HACD2: variants seen among roughly 807,000 people sequenced by gnomAD.
HACD2 encodes 3-hydroxyacyl-CoA dehydratase 2, also known as very-long-chain (3R)-3-hydroxyacyl-CoA dehydratase 2.
Under a neutral mutation model 31.0 loss-of-function variants are expected in HACD2, and 15 were observed. The observed-to-expected ratio is 0.48, with a 90% confidence interval of 0.32 to 0.75. The LOEUF is 0.75. Ranked by LOEUF, HACD2 falls within the 30% of genes least tolerant of loss-of-function variation. The probability of loss-of-function intolerance (pLI) is 0.03; values close to 1 mark genes in which losing one functional copy is unlikely to be tolerated. For synonymous variants in HACD2, 115 were observed against 122.2 expected (o/e 0.94, Z 0.39); for missense variants, 283 against 313.0 (o/e 0.90, Z 0.72).
intron 4 of HACD2, among the ~76,000 whole-genome samples, chr3:123,503,071 C>G (rs956580245): frequency 6.6e-6 from 1 of 152,068 alleles, no homozygotes; most frequent in Admixed American, 6.5e-5. Flanking sequence ...TGAGACCAGC[C>G]TGGCCAACAT....
At chr3:123,499,416 G>C (rs2055876010) in intron 6 of HACD2, 1 of 299,482 alleles carries the variant, frequency 3.3e-6, no homozygotes, top group Non-Finnish European at 6.8e-6. Context: ...TCCAGCACTA[G>C]AGAGGACTCA....
At chr3:123,584,822 G>T in intron 1 of HACD2, 51 bp downstream of exon 1, 4 of 1,386,796 alleles carry the variant, frequency 2.9e-6, no homozygotes, top group Non-Finnish European at 2.9e-6. Context: ...TGGCCGCAGG[G>T]CTCCCTCCCC....
intron 4 of HACD2, among the ~76,000 whole-genome samples, chr3:123,503,708 CA>C (rs398038348): frequency 0.03 from 2,959 of 97,410 alleles, 31 homozygotes; most frequent in Middle Eastern, 0.079. Flanking sequence ...TTCCATGCAT[CA>C]AAAAAAAAAA....
rs866491761 is a variant in HACD2 at position 123,546,514 on chromosome 3, C to G, written c.293-18040G>C. ...AAACATAAACCAAGTTTCTGGAAAG[C>G]CTTGCACTTTCTGCCTGGAATGTAA... is the stretch of plus-strand genomic sequence containing the variant. On this transcript the variant is annotated intron_variant, in intron 3 of 6. Coordinates refer to ENST00000383657, the MANE Select transcript of HACD2 (RefSeq NM_198402.5). 5.1e-4 allele frequency among the ~76,000 whole-genome samples: 78 copies of G among 152,316 alleles called. 1 individual carries two copies. Among genetic ancestry groups the G allele is most frequent in the African/African-American group, 1.9e-3 (78 of 41,568 alleles).
chr3:123,504,783 C>T (rs573190880), intron 4 of HACD2, among the ~76,000 whole-genome samples: 3 of 152,104 alleles, frequency 2.0e-5, no homozygotes, highest in Non-Finnish European at 4.4e-5. Context: ...TCATTTCTTC[C>T]AATCAATAGG....
At chr3:123,566,648 G>A (rs1271324153) in intron 3 of HACD2, among the ~76,000 whole-genome samples, 1 of 151,600 alleles carries the variant, frequency 6.6e-6, no homozygotes, top group Non-Finnish European at 1.5e-5. Context: ...TGTAATCCCA[G>A]CACTTTGGGA....
At chr3:123,549,109 CCTTA>C (rs1441908324) in intron 3 of HACD2, among the ~76,000 whole-genome samples, 6 of 151,536 alleles carry the variant, frequency 4.0e-5, no homozygotes, top group East Asian at 1.9e-4. Flanking sequence ...TGAAATTCTA[CCTTA>C]CTTACTTTAT....
chr3:123,512,171 T>C (rs1444259173), intron 4 of HACD2, among the ~76,000 whole-genome samples: 2 of 152,204 alleles, frequency 1.3e-5, no homozygotes, highest in Admixed American at 1.3e-4. Context: ...TATTTCTGGA[T>C]TTAACTTATT....
intron 4 of HACD2, among the ~76,000 whole-genome samples, chr3:123,516,971 T>C (rs1310739713): frequency 6.6e-6 from 1 of 152,200 alleles, no homozygotes; most frequent in African/African-American, 2.4e-5. Context: ...CTGAGGCAAG[T>C]TACTTATCCT....
chr3:123,504,530 TAA>T (rs370207577), intron 4 of HACD2, among the ~76,000 whole-genome samples: 4 of 141,246 alleles, frequency 2.8e-5, no homozygotes, highest in Admixed American at 7.1e-5. Context: ...TTCAAATAGG[TAA>T]AAAAAAAAAA....
intron 4 of HACD2, among the ~76,000 whole-genome samples, chr3:123,504,497 G>A (rs2055948196): frequency 1.3e-5 from 2 of 151,638 alleles, no homozygotes; most frequent in South Asian, 2.1e-4. Flanking sequence ...GTGCCTGATA[G>A]TTTCCGTGTA....
At chr3:123,567,206 A>G (rs2056801315) in intron 3 of HACD2, among the ~76,000 whole-genome samples, 1 of 152,320 alleles carries the variant, frequency 6.6e-6, no homozygotes, top group South Asian at 2.1e-4. Context: ...TTATGCCTCT[A>G]TTCCACAGCA....
intron 3 of HACD2, among the ~76,000 whole-genome samples, chr3:123,560,220 G>C (rs960544532): frequency 6.6e-6 from 1 of 152,214 alleles, no homozygotes; most frequent in African/African-American, 2.4e-5. Flanking sequence ...GAATGAACCA[G>C]AGCTAAGGCA....
At chr3:123,515,545 G>T (rs1038597494) in intron 4 of HACD2, among the ~76,000 whole-genome samples, 4 of 152,058 alleles carry the variant, frequency 2.6e-5, no homozygotes, top group African/African-American at 9.7e-5. Flanking sequence ...GTGCTGGTTG[G>T]TCCGTCAGCT....
chr3:123,541,142 G>A (rs377739946), intron 3 of HACD2, among the ~76,000 whole-genome samples: 122 of 152,142 alleles, frequency 8.0e-4, no homozygotes, highest in African/African-American at 2.7e-3. Context: ...GTGGTGGTAC[G>A]CACCTGTAAT....
At chr3:123,532,188 A>C (rs1392826578) in intron 3 of HACD2, among the ~76,000 whole-genome samples, 1 of 152,246 alleles carries the variant, frequency 6.6e-6, no homozygotes, top group Admixed American at 6.5e-5. Flanking sequence ...AGTAGATGTC[A>C]AGATGTTTCT....
In HACD2 at chr3:123,561,881, G is replaced by A. The variant is rs59930821; in HGVS notation, c.292+5881C>T. Among the ~76,000 whole-genome samples the A allele has an allele frequency of 0.023, 3,562 of 151,940 alleles. 233 individuals are homozygous for A. In the East Asian group the frequency reaches 0.25, roughly 11 times the overall value. On this transcript the variant is annotated intron_variant, in intron 3 of 6. Coordinates refer to ENST00000383657, the MANE Select transcript of HACD2 (RefSeq NM_198402.5). ...GGCTGGAGTGCAGAGGCACAATTTCGGCTCATTGCAACCTCCGCCTCCTGG... is the reference window on the plus strand; with the variant it reads ...GGCTGGAGTGCAGAGGCACAATTTCAGCTCATTGCAACCTCCGCCTCCTGG...
rs569996422 is a variant in HACD2 at position 123,492,512 on chromosome 3, A to G, written c.*2376T>C. ...AGAGAGGTTACTGAAGGACACAGTG[A>G]CATGCCTTACTTATCTGCCATAAGT... On this transcript the variant is annotated 3_prime_UTR_variant, in exon 7 of 7. Transcript: ENST00000383657. The G allele has an allele frequency of 3.3e-5, 5 of 152,360 alleles. No individual in the cohort carries two copies. The East Asian group carries it at 9.6e-4, about 29-fold the overall frequency. 9.4% of individuals were successfully genotyped at this position (152,360 alleles called of 1,614,324 possible).
At chr3:123,573,403 A>G (rs1470124565) in intron 2 of HACD2, among the ~76,000 whole-genome samples, 1 of 152,088 alleles carries the variant, frequency 6.6e-6, no homozygotes, top group Non-Finnish European at 1.5e-5. Context: ...GTCTCCTTTA[A>G]TTACTTTACC....
Sources: allele counts gnomAD v4.1 joint callset (sites outside exome capture counted in the v4.1 genomes callset), GRCh38; gene constraint gnomAD v4.1.1; transcripts MANE v1.5; gene names NCBI Gene and HGNC (gene_info 2026-07-23, HGNC 2026-07-21).